The following ABCA6 variants were observed in gnomAD, a reference collection of about 807,000 sequenced individuals.
The protein encoded by ABCA6 is ATP binding cassette subfamily A member 6, also known as ATP-binding cassette sub-family A member 6.
A neutral mutation model predicts 191.2 loss-of-function variants in ABCA6; 164 were observed. The observed-to-expected ratio is 0.86, with a 90% CI of 0.76 to 0.98. The LOEUF is 0.98. Ranked by LOEUF, ABCA6 falls within the 50% of genes least tolerant of loss-of-function variation. The pLI, the probability that ABCA6 is intolerant of heterozygous loss-of-function variation, is 0.00. For missense variants in ABCA6, 1,958 were observed against 1,894.1 expected (o/e 1.03, Z -0.63); for synonymous variants, 636 against 647.7 (o/e 0.98, Z 0.27).
intron 21 of ABCA6, among the ~76,000 whole-genome samples, chr17:69,102,066 C>T (rs2073193568): frequency 6.6e-6 from 1 of 152,090 alleles, no homozygotes; most frequent in African/African-American, 2.4e-5. Context: ...TATTTTTAAA[C>T]CGAGCACGGT....
In ABCA6 at chr17:69,107,783, C is replaced by G; in HGVS notation, c.2302G>C (p.Asp768His). ...DLFSDLDKCS[D>H]QGVTGYDISM... ...ATGTCATAACCTGTCACTCCCTGGT[C>G]AGAACACTTATCCAGATCACTGAAA... Residue 768 changes from aspartate (D) to histidine (H), a missense_variant, in exon 18 of 39, where the codon GAC becomes CAC. Physicochemically the swap from Asp to His is moderately conservative, Grantham distance 81. Transcript: ENST00000284425. The G allele has an allele frequency of 6.2e-7, 1 of 1,611,762 alleles. No homozygotes were observed. The highest frequency in any genetic ancestry group is 1.1e-5 in the South Asian group (1 of 90,672).
chr17:69,082,958 C>T lies in ABCA6; in HGVS notation c.4531G>A (p.Glu1511Lys). ...KNKLGKDYIL[E>K]LKVKETSQVT... ...TGAGACGTTTCCTTCACTTTTAGCTCTAGAATGTAATCCTTGCCAAGTTTG... is the reference window on the plus strand; with the variant it reads ...TGAGACGTTTCCTTCACTTTTAGCTTTAGAATGTAATCCTTGCCAAGTTTG... The change falls in exon 36 of 39, where the codon GAG becomes AAG. Residue 1511 changes from glutamate (E) to lysine (K), a missense_variant. Physicochemically the swap from Glu to Lys is moderately conservative, Grantham distance 56. Transcript: ENST00000284425. 4 of 1,614,174 alleles carry T rather than the reference C, an allele frequency of 2.5e-6. No homozygotes were observed. The African/African-American group carries it at 5.3e-5, about 22-fold the overall frequency.
At chr17:69,116,178 G>C (rs907111369) in intron 11 of ABCA6, among the ~76,000 whole-genome samples, 1 of 152,046 alleles carries the variant, frequency 6.6e-6, no homozygotes, top group Non-Finnish European at 1.5e-5. Flanking sequence ...GTGTTTTCCA[G>C]GGTAAGAGGG....
intron 28 of ABCA6, chr17:69,087,744 T>C (rs1263638419): frequency 2.2e-6 from 1 of 456,620 alleles, no homozygotes; most frequent in Non-Finnish European, 3.9e-6. Context: ...TTAAAATTCA[T>C]GTCACTCTCA....
chr17:69,107,912 A>G, intron 17 of ABCA6, 100 bp from the exon 18 acceptor site: 1 of 755,922 alleles, frequency 1.3e-6, no homozygotes, highest in Non-Finnish European at 2.2e-6. Context: ...AATATTGTTA[A>G]GAAAATTATG....
chr17:69,124,929 A>G lies in ABCA6; in HGVS notation c.1226T>C (p.Ile409Thr), dbSNP rs1303630813. The change falls in exon 9 of 39, where the codon ATC (isoleucine) becomes ACC (threonine). Residue 409 changes from isoleucine to threonine, a missense_variant. Physicochemically the swap from Ile to Thr is moderately conservative, Grantham distance 89. Coordinates refer to ENST00000284425, the MANE Select transcript of ABCA6 (RefSeq NM_080284.3). ...AAAGTATAATGCCAATAGCAAGTAG[A>G]TGAGACCATCCAAAAGCAACATAGA... ...TFSMLLLDGLIYLLLALYFDK... is the reference protein window; with the variant it reads ...TFSMLLLDGLTYLLLALYFDK... 6.3e-7 allele frequency: 1 copy of G among 1,578,528 alleles called. No individual in the cohort carries two copies.
At chr17:69,108,069 T>C (rs1447976677) in intron 17 of ABCA6, 1 of 389,120 alleles carries the variant, frequency 2.6e-6, no homozygotes, top group Non-Finnish European at 4.6e-6. Flanking sequence ...CAGATTTCTC[T>C]GCAGAAATCT....
intron 36 of ABCA6, 104 bp from the exon 37 acceptor site, chr17:69,081,249 G>C: frequency 1.6e-6 from 1 of 606,230 alleles, no homozygotes; most frequent in Non-Finnish European, 2.9e-6. Flanking sequence ...TAAAATAAAA[G>C]TAATGCAAAT....
chr17:69,125,498 G>T (rs1052158288), intron 8 of ABCA6, among the ~76,000 whole-genome samples: 3 of 152,024 alleles, frequency 2.0e-5, no homozygotes, highest in Non-Finnish European at 4.4e-5. Flanking sequence ...ACTGTCCTAA[G>T]TGTTTTGTAT....
At chr17:69,116,964 G>A (rs1598041326) in intron 11 of ABCA6, among the ~76,000 whole-genome samples, 2 of 152,190 alleles carry the variant, frequency 1.3e-5, no homozygotes, top group South Asian at 2.1e-4. Flanking sequence ...ATGACTTGAT[G>A]AGTACAAAGG....
rs747940939 is a variant in ABCA6 at position 69,133,779 on chromosome 17, A to G, written c.653T>C (p.Leu218Pro). ...GAATAAAATAAACATCTCATTGTGAAGAAGATTTTTAGTTATGAAAGGTAA... is the reference window on the plus strand; with the variant it reads ...GAATAAAATAAACATCTCATTGTGAGGAAGATTTTTAGTTATGAAAGGTAA... Reference protein sequence around the residue: ...KTLPFITKNLLHNEMFILFFL... With the variant: ...KTLPFITKNLPHNEMFILFFL... The change falls in exon 6 of 39, where the codon CTT (leucine) becomes CCT (proline). Residue 218 changes from leucine (L) to proline (P), a missense_variant. Physicochemically the swap from Leu to Pro is moderately conservative, Grantham distance 98. Transcript: ENST00000284425. The G allele has an allele frequency of 6.2e-7, 1 of 1,612,918 alleles. No individual in the cohort carries two copies. Among genetic ancestry groups the G allele is most frequent in the South Asian group, 1.1e-5 (1 of 90,974 alleles).
At chr17:69,133,411 C>G (rs1376825267) in intron 6 of ABCA6, among the ~76,000 whole-genome samples, 2 of 152,142 alleles carry the variant, frequency 1.3e-5, no homozygotes, top group Non-Finnish European at 2.9e-5. Context: ...ATGACAGTCC[C>G]CCTGTATCAG....
intron 35 of ABCA6, 56 bp from the exon 36 acceptor site, chr17:69,083,069 T>G: frequency 6.3e-7 from 1 of 1,598,274 alleles, no homozygotes; most frequent in Non-Finnish European, 8.5e-7. Context: ...TTTTTTAATG[T>G]TATTCTTAAA....
intron 25 of ABCA6, chr17:69,095,549 A>G (rs1253970526): frequency 6.6e-6 from 1 of 152,198 alleles, no homozygotes; most frequent in Non-Finnish European, 1.5e-5. Context: ...CATTACTTTA[A>G]ATAGCAAAAA....
At chr17:69,098,122 A>C (rs1011047424) in intron 22 of ABCA6, 95 bp from the exon 23 acceptor site, 1 of 889,980 alleles carries the variant, frequency 1.1e-6, no homozygotes, top group Admixed American at 3.5e-5. Flanking sequence ...ATGTTGAAAA[A>C]TCAAAGTAAA....
chr17:69,114,080 T>G (rs565577539), intron 13 of ABCA6, among the ~76,000 whole-genome samples: 2 of 152,036 alleles, frequency 1.3e-5, no homozygotes, highest in East Asian at 3.9e-4. Flanking sequence ...ACCCAAAGGA[T>G]TATAAATCAT....
At chr17:69,113,188 A>T in intron 15 of ABCA6, 34 bp downstream of exon 15, 1 of 1,581,086 alleles carries the variant, frequency 6.3e-7, no homozygotes, top group South Asian at 1.2e-5. Flanking sequence ...CCCCAATTGC[A>T]TCATGGTAAC....
At chr17:69,138,676 C>T (rs1233081972) in intron 2 of ABCA6, among the ~76,000 whole-genome samples, 1 of 151,298 alleles carries the variant, frequency 6.6e-6, no homozygotes, top group African/African-American at 2.4e-5. Flanking sequence ...GGAGGCATCA[C>T]ACTACCTGAC....
intron 10 of ABCA6, among the ~76,000 whole-genome samples, chr17:69,120,998 T>C (rs186788862): frequency 5.9e-5 from 9 of 152,060 alleles, no homozygotes; most frequent in Non-Finnish European, 1.2e-4. Context: ...ACATACCCTG[T>C]AAGCTCTATG....
Sources: allele counts gnomAD v4.1 joint callset (sites outside exome capture counted in the v4.1 genomes callset), GRCh38; gene constraint gnomAD v4.1.1; transcripts MANE v1.5; gene names NCBI Gene and HGNC (gene_info 2026-07-23, HGNC 2026-07-21).